Variants in LONP1 observed in about 807,000 individuals in gnomAD.
The protein encoded by LONP1 is lon protease homolog, mitochondrial.
In LONP1, 31 loss-of-function variants were observed where a neutral mutation model predicts 98.5. That is an observed-to-expected ratio of 0.31 (90% CI 0.24 to 0.42). LONP1 has a LOEUF of 0.42. Among genes scored for constraint, LONP1 ranks in the 20% least tolerant of loss-of-function variants. The pLI is 1.00. For missense variants in LONP1, 1,336 were observed against 1,350.6 expected, an observed-to-expected ratio of 0.99 and a Z score of 0.17; for synonymous variants, 781 against 594.7, an observed-to-expected ratio of 1.31 and a Z score of -4.56.
chr19:5,717,973 G>A (rs1009529026), intron 1 of LONP1, among the ~76,000 whole-genome samples: 2 of 146,702 alleles, frequency 1.4e-5, no homozygotes, highest in Non-Finnish European at 3.0e-5. Flanking sequence ...GCCTCCCAAA[G>A]TGCTGGGATT....
rs1200539692 is a variant in LONP1, at chr19:5,716,253, A to AATAT, written c.430-1986_430-1983dup. On this transcript the variant is annotated intron_variant, in intron 1 of 17. Transcript: ENST00000360614. ...ATTCTTTATTATATAATAAAGTTAA[A>AATAT]ATATACATATATATATATATATATA... is the stretch of plus-strand genomic sequence containing the variant. Among the ~76,000 whole-genome samples the AATAT allele has an allele frequency of 4.5e-3, 324 of 71,672 alleles. 10 individuals carry two copies. The highest frequency in any genetic ancestry group is 7.8e-3 in the Middle Eastern group (1 of 128). 47.0% of individuals were successfully genotyped at this position (71,672 alleles called of 152,430 possible).
intron 5 of LONP1, 195 bp downstream of exon 5, chr19:5,708,147 G>A (rs555706483): frequency 8.0e-6 from 5 of 624,114 alleles, no homozygotes; most frequent in Non-Finnish European, 1.1e-5. Flanking sequence ...CAAAGAAACT[G>A]GGCCTGCTGA....
Position 5,708,604 on chromosome 19 carries a change from AAG to A in LONP1, c.871-203_871-202del, listed in dbSNP as rs375792205. 1.1e-5 allele frequency: 5 copies of A among 450,242 alleles called. 1 individual carries two copies. The highest frequency in any genetic ancestry group is 6.1e-5 in the African/African-American group (3 of 49,372). 27.9% of individuals were successfully genotyped at this position (450,242 alleles called of 1,614,324 possible). A position where few individuals can be genotyped will look rare whatever the true frequency, so the allele number is the denominator to read the frequency against. ...TCACCAGTCCCAGGGACACAGGACCAAGAGAGTCAAAACTAAAACCAAACCCT... is the reference window on the plus strand; with the variant it reads ...TCACCAGTCCCAGGGACACAGGACCAAGAGTCAAAACTAAAACCAAACCCT... On this transcript the variant is annotated intron_variant, in intron 4 of 17. Coordinates refer to ENST00000360614, the MANE Select transcript of LONP1 (RefSeq NM_004793.4).
chr19:5,696,362 T>C lies in LONP1; in HGVS notation c.1783A>G (p.Ile595Val). The stretch of plus-strand genomic sequence containing the variant: ...GGGTCCCCCTGGTAGCCTCGGCCGA[T>C]CTTGTCCACCTGGGGCAGCAGACAG... ...PLILIDEVDK[I>V]GRGYQGDPSS... The change falls in exon 12 of 18, where the codon ATC becomes GTC. Residue 595 changes from isoleucine to valine, a missense_variant. Physicochemically the swap from Ile to Val is conservative, Grantham distance 29 (BLOSUM62 3). Around this residue, in one of 5 missense-constraint regions of LONP1, gnomAD observed 555 missense variants for 542.6 expected, o/e 1.02. Coordinates refer to ENST00000360614, the MANE Select transcript of LONP1 (RefSeq NM_004793.4). 6.2e-7 allele frequency: 1 copy of C among 1,612,904 alleles called. No individual in the cohort carries two copies. The highest frequency in any genetic ancestry group is 1.1e-5 in the South Asian group (1 of 91,074).
chr19:5,700,954 T>C (rs1191109706), intron 8 of LONP1, 27 bp from the exon 9 acceptor site: 2 of 1,613,466 alleles, frequency 1.2e-6, no homozygotes, highest in African/African-American at 2.7e-5. Context: ...GGAGAGATGC[T>C]GAGTGGAGCT....
chr19:5,697,893 C>T (rs2054970230), intron 10 of LONP1, among the ~76,000 whole-genome samples: 2 of 152,076 alleles, frequency 1.3e-5, no homozygotes, highest in Non-Finnish European at 2.9e-5. Flanking sequence ...CTCCGGCCCG[C>T]ACCTCCAGCC....
At position 5,696,167 on chromosome 19, in the gene LONP1, G is replaced by A. The variant is rs1204259394; in HGVS notation, c.1900C>T (p.Leu634=). 1.2e-6 allele frequency: 2 copies of A among 1,612,790 alleles called. No homozygotes were observed. The highest frequency in any genetic ancestry group is 2.7e-5 in the African/African-American group (2 of 74,910). ...GTGACGTTGGCCGTGCAGATGAACAGCACCTGGGGGCGGCGGCAAGGTGCT... is the reference window on the plus strand; with the variant it reads ...GTGACGTTGGCCGTGCAGATGAACAACACCTGGGGGCGGCGGCAAGGTGCT... ...LDVPVDLSKV[L]FICTANVTDT... Residue 634 remains leucine (L), a synonymous_variant, in exon 13 of 18, where the codon CTG becomes TTG. Coordinates refer to ENST00000360614, the MANE Select transcript of LONP1 (RefSeq NM_004793.4).
At chr19:5,697,810 C>G (rs1392077544) in intron 10 of LONP1, among the ~76,000 whole-genome samples, 1 of 152,060 alleles carries the variant, frequency 6.6e-6, no homozygotes, top group African/African-American at 2.4e-5. Flanking sequence ...CTCCCCGCAG[C>G]CCCGCTACCT....
At position 5,694,823 on chromosome 19, in the gene LONP1, G is replaced by A. The variant is rs1429330516; in HGVS notation, c.2092C>T (p.Leu698=). The A allele has an allele frequency of 1.2e-6, 2 of 1,602,054 alleles. No homozygotes were observed. Among genetic ancestry groups the A allele is most frequent in the South Asian group, 1.1e-5 (1 of 90,862 alleles). The change falls in exon 14 of 18, where the codon CTG becomes TTG. Residue 698 remains leucine (L), a synonymous_variant. Coordinates refer to ENST00000360614, the MANE Select transcript of LONP1 (RefSeq NM_004793.4). ...KAKLSSDVLT[L]LIKQYCRESG... is the part of the protein sequence containing the mutation. ...TCGCGGCAGTACTGCTTGATGAGCA[G>A]CGTCAGCACGTCCGATGACAGCTTG...
chr19:5,712,057 C>T (rs770054278), intron 3 of LONP1, 55 bp from the exon 4 acceptor site: 54 of 1,435,914 alleles, frequency 3.8e-5, no homozygotes, highest in African/African-American at 2.1e-4. Context: ...GAGCTGGACC[C>T]GGCTGAGGCC....
intron 8 of LONP1, among the ~76,000 whole-genome samples, chr19:5,701,418 T>G (rs1599459288): frequency 6.6e-6 from 1 of 152,344 alleles, no homozygotes; most frequent in East Asian, 1.9e-4. Context: ...CTTGGCTCAC[T>G]GCAACCTCCC....
intron 17 of LONP1, among the ~76,000 whole-genome samples, chr19:5,693,000 C>T (rs569250270): frequency 5.3e-5 from 8 of 152,200 alleles, no homozygotes; most frequent in African/African-American, 1.7e-4. Flanking sequence ...TCCTAAACGT[C>T]GTCCCCATCT....
chr19:5,711,760 C>T lies in LONP1; in HGVS notation c.870+11G>A. The T allele has an allele frequency of 2.5e-6, 4 of 1,601,528 alleles. No individual in the cohort carries two copies. The highest frequency in any genetic ancestry group is 3.4e-6 in the Non-Finnish European group (4 of 1,172,078). The stretch of plus-strand genomic sequence containing the variant: ...GCAGCTGTGGCCGCCCTGCGTGACG[C>T]ACGGACTCACTTTCACCTCCTCCGT... On this transcript the variant is annotated intron_variant, in intron 4 of 17. Transcript: ENST00000360614.
Position 5,696,150 on chromosome 19 carries a change from G to A in LONP1, c.1917C>T (p.Ala639=), listed in dbSNP as rs778330808. The change falls in exon 13 of 18, where the codon GCC becomes GCT. Residue 639 remains alanine (A), a synonymous_variant. Coordinates refer to ENST00000360614, the MANE Select transcript of LONP1 (RefSeq NM_004793.4). The part of the protein sequence containing the change: ...DLSKVLFICT[A]NVTDTIPEPL... ...GCTCGGGGATGGTGTCCGTGACGTT[G>A]GCCGTGCAGATGAACAGCACCTGGG... 8.1e-6 allele frequency: 13 copies of A among 1,612,842 alleles called. No homozygotes were observed. The highest frequency in any genetic ancestry group is 5.3e-5 in the African/African-American group (4 of 74,900).
chr19:5,705,984 C>G lies in LONP1; in HGVS notation c.1155G>C (p.Glu385Asp). Residue 385 changes from glutamate (E) to aspartate (D), a missense_variant, in exon 8 of 18, where the codon GAG becomes GAC. Physicochemically the swap from Glu to Asp is conservative, Grantham distance 45. Coordinates refer to ENST00000360614, the MANE Select transcript of LONP1 (RefSeq NM_004793.4). Reference protein sequence around the residue: ...LQQRLGREVEEKIKQTHRKYL... With the variant: ...LQQRLGREVEDKIKQTHRKYL... ...ACTTACGGTGGGTCTGCTTGATCTT[C>G]TCCTCCACCTGTGGGGTGAGGTGCT... 1 of 1,611,482 alleles carries G rather than the reference C, an allele frequency of 6.2e-7. No individual in the cohort carries two copies. The highest frequency in any genetic ancestry group is 8.5e-7 in the Non-Finnish European group (1 of 1,179,472).
Position 5,696,177 on chromosome 19 carries a change from G to C in LONP1, c.1897-7C>G, listed in dbSNP as rs2054924040. On this transcript the variant is annotated splice_polypyrimidine_tract_variant and splice_region_variant and intron_variant, in intron 12 of 17. Coordinates refer to ENST00000360614, the MANE Select transcript of LONP1 (RefSeq NM_004793.4). ...CCGTGCAGATGAACAGCACCTGGGG[G>C]CGGCGGCAAGGTGCTGGGGGACTGG... 1 of 1,612,882 alleles carries C rather than the reference G, an allele frequency of 6.2e-7. No homozygotes were observed. Among genetic ancestry groups the C allele is most frequent in the Non-Finnish European group, 8.5e-7 (1 of 1,179,856 alleles).
In LONP1 at chr19:5,705,161, T is replaced by TAA. The variant is rs796726965; in HGVS notation, c.1367+609_1367+610dup. On this transcript the variant is annotated intron_variant, in intron 8 of 17. Transcript: ENST00000360614. ...TGGACAACAGAGCAAGACTCTGTCT[T>TAA]AAAAAAAAAAAAAAGCCAGGCATGG... is the stretch of plus-strand genomic sequence containing the variant. Among the ~76,000 whole-genome samples, 10 of 126,186 alleles carry TAA rather than the reference T, an allele frequency of 7.9e-5. No individual in the cohort carries two copies. The East Asian group carries it at 1.8e-3, about 23-fold the overall frequency. The allele number at this position is 126,186 out of a possible 152,430, so 82.8% of individuals were successfully genotyped here.
At chr19:5,712,718 C>T (rs2055257190) in intron 3 of LONP1, among the ~76,000 whole-genome samples, 1 of 152,186 alleles carries the variant, frequency 6.6e-6, no homozygotes, top group African/African-American at 2.4e-5. Flanking sequence ...TGGTCTCAAA[C>T]TCCTGGGCTT....
chr19:5,696,565 G>A (rs532632787), intron 11 of LONP1, 105 bp downstream of exon 11: 18 of 1,318,686 alleles, frequency 1.4e-5, no homozygotes, highest in Middle Eastern at 2.0e-4. Context: ...GCATCACGGC[G>A]ATGGCCCCTG....
Sources: allele counts gnomAD v4.1 joint callset (sites outside exome capture counted in the v4.1 genomes callset), GRCh38; gene constraint gnomAD v4.1.1; regional missense constraint gnomAD v4.1.1; transcripts MANE v1.5; gene names NCBI Gene and HGNC (gene_info 2026-07-23, HGNC 2026-07-21).